The following TGFB2 variants were observed in gnomAD, a reference collection of about 807,000 sequenced individuals.
TGFB2 encodes the protein transforming growth factor beta-2 proprotein.
Under a neutral mutation model 42.7 loss-of-function variants are expected in TGFB2, and 13 were observed. The ratio of observed to expected loss-of-function variants is 0.30; its 90% CI spans 0.20 to 0.48. TGFB2 has a LOEUF of 0.48. Among genes scored for constraint, TGFB2 ranks in the 20% least tolerant of loss-of-function variants. TGFB2 has a pLI of 0.99. For synonymous variants in TGFB2, 193 were observed against 193.6 expected (o/e 1.00, Z 0.03); for missense variants, 390 against 517.5 (o/e 0.75, Z 2.39).
intron 1 of TGFB2, among the ~76,000 whole-genome samples, chr1:218,389,604 C>A (rs1261097475): frequency 2.6e-5 from 4 of 152,192 alleles, no homozygotes; most frequent in African/African-American, 9.7e-5. Context: ...GATCAAAACC[C>A]CTCTGGCCAA....
intron 1 of TGFB2, among the ~76,000 whole-genome samples, chr1:218,350,122 G>A (rs1257915681): frequency 6.6e-6 from 1 of 152,222 alleles, no homozygotes; most frequent in African/African-American, 2.4e-5. Context: ...CTTAGAAAGG[G>A]TGATTCAGTT....
At chr1:218,364,386 T>C (rs1337017606) in intron 1 of TGFB2, among the ~76,000 whole-genome samples, 1 of 152,218 alleles carries the variant, frequency 6.6e-6, no homozygotes, top group Non-Finnish European at 1.5e-5. Context: ...CAGCCATTTA[T>C]TGAATGCTTA....
chr1:218,392,213 T>C (rs1483212704), intron 1 of TGFB2, among the ~76,000 whole-genome samples: 2 of 151,852 alleles, frequency 1.3e-5, no homozygotes, highest in African/African-American at 4.8e-5. Flanking sequence ...AATAGCCGGG[T>C]ATGGTGGCGG....
At chr1:218,356,126 G>A (rs1657024726) in intron 1 of TGFB2, among the ~76,000 whole-genome samples, 2 of 152,104 alleles carry the variant, frequency 1.3e-5, no homozygotes, top group African/African-American at 2.4e-5. Context: ...ACTCCTCCCA[G>A]CCAGAGTCTT....
intron 1 of TGFB2, among the ~76,000 whole-genome samples, chr1:218,357,640 A>G (rs1657082190): frequency 3.9e-5 from 6 of 152,210 alleles, no homozygotes; most frequent in Admixed American, 3.9e-4. Context: ...TGACTTGAGG[A>G]ACTTAAGGCA....
intron 2 of TGFB2, 31 bp downstream of exon 2, chr1:218,405,363 TG>T: frequency 6.2e-7 from 1 of 1,611,968 alleles, no homozygotes; most frequent in African/African-American, 1.3e-5. Context: ...TTGTTGTTGT[TG>T]TTGTTGTTGT....
At chr1:218,350,037 ACCTCT>A (rs781749685) in intron 1 of TGFB2, among the ~76,000 whole-genome samples, 274 of 152,344 alleles carry the variant, frequency 1.8e-3, no homozygotes, top group Middle Eastern at 0.014. Context: ...GAATTAGTGG[ACCTCT>A]AGTAGTTTAA....
rs562623182 is a variant in TGFB2, at chr1:218,394,032, G to A, written c.347-11137G>A. Among the ~76,000 whole-genome samples, 72 of 151,460 alleles carry A rather than the reference G, an allele frequency of 4.8e-4. No individual in the cohort carries two copies. In the South Asian group the frequency reaches 4.9e-3, roughly 10 times the overall value. On this transcript the variant is annotated intron_variant, in intron 1 of 6. Transcript: ENST00000366930. ...CGCCATTCTCCTGCCTCAGCCTCCCGAGTAGCTGGGATTACAGGTGCCCAC... is the reference window on the plus strand; with the variant it reads ...CGCCATTCTCCTGCCTCAGCCTCCCAAGTAGCTGGGATTACAGGTGCCCAC...
chr1:218,360,995 C>T (rs1327184036), intron 1 of TGFB2, among the ~76,000 whole-genome samples: 5 of 152,204 alleles, frequency 3.3e-5, no homozygotes, highest in South Asian at 2.1e-4. Flanking sequence ...ACTGGGACTA[C>T]AGGCACGTGG....
chr1:218,349,639 A>T (rs185593161), intron 1 of TGFB2, among the ~76,000 whole-genome samples: 127 of 152,340 alleles, frequency 8.3e-4, no homozygotes, highest in African/African-American at 2.8e-3. Context: ...AATTATACTC[A>T]ATGAGCTATA....
intron 2 of TGFB2, among the ~76,000 whole-genome samples, chr1:218,431,121 G>A (rs755022337): frequency 2.9e-4 from 44 of 152,314 alleles, no homozygotes; most frequent in Admixed American, 2.7e-3. Context: ...GAATTATGTA[G>A]CTAACTAACT....
At chr1:218,422,834 A>T (rs1328326153) in intron 2 of TGFB2, among the ~76,000 whole-genome samples, 1 of 152,214 alleles carries the variant, frequency 6.6e-6, no homozygotes, top group Non-Finnish European at 1.5e-5. Flanking sequence ...CCAGTGCTTA[A>T]TATTTGTTGA....
intron 1 of TGFB2, among the ~76,000 whole-genome samples, chr1:218,401,445 C>T (rs1318432635): frequency 6.6e-6 from 1 of 152,014 alleles, no homozygotes. Context: ...CAAAATTTTC[C>T]CCGGGAGGAA....
At chr1:218,420,377 T>C (rs1007868739) in intron 2 of TGFB2, among the ~76,000 whole-genome samples, 1 of 152,200 alleles carries the variant, frequency 6.6e-6, no homozygotes, top group African/African-American at 2.4e-5. Context: ...GTTGAATCCT[T>C]TTCTCTTTTG....
At chr1:218,379,672 A>G (rs554756346) in intron 1 of TGFB2, among the ~76,000 whole-genome samples, 5 of 152,258 alleles carry the variant, frequency 3.3e-5, no homozygotes, top group African/African-American at 1.2e-4. Flanking sequence ...AGTTGAAAAC[A>G]GTGTCCTTTT....
rs759635592 is a variant in TGFB2 at position 218,397,563 on chromosome 1, C to CAAA, written c.347-7589_347-7587dup. Among the ~76,000 whole-genome samples, 362 of 91,332 alleles carry CAAA rather than the reference C, an allele frequency of 4.0e-3. 8 individuals carry two copies. The highest frequency in any genetic ancestry group is 0.012 in the African/African-American group (319 of 26,824). 59.9% of individuals were successfully genotyped at this position (91,332 alleles called of 152,430 possible). A position where few individuals can be genotyped will look rare whatever the true frequency, so the allele number is the denominator to read the frequency against. Reference sequence around the variant, plus strand: ...TGTGCAACAGAGCGAGACTCCGTCTCAAAAAAAAAAAAAAAAAAAGTTTAG... The same window carrying CAAA: ...TGTGCAACAGAGCGAGACTCCGTCTCAAAAAAAAAAAAAAAAAAAAAAGTTTAG... On this transcript the variant is annotated intron_variant, in intron 1 of 6. Coordinates refer to ENST00000366930, the MANE Select transcript of TGFB2 (RefSeq NM_003238.6).
At chr1:218,424,584 G>A (rs1223438373) in intron 2 of TGFB2, among the ~76,000 whole-genome samples, 2 of 152,174 alleles carry the variant, frequency 1.3e-5, no homozygotes, top group East Asian at 3.9e-4. Flanking sequence ...GAGCACTCCA[G>A]ATGTTTCTGA....
At chr1:218,378,374 G>A (rs552338141) in intron 1 of TGFB2, among the ~76,000 whole-genome samples, 1 of 151,994 alleles carries the variant, frequency 6.6e-6, no homozygotes, top group Admixed American at 6.6e-5. Context: ...ACGGGGTTTC[G>A]CCATGTTGGC....
At chr1:218,405,944 C>T (rs1558248855) in intron 2 of TGFB2, among the ~76,000 whole-genome samples, 3 of 152,108 alleles carry the variant, frequency 2.0e-5, no homozygotes, top group Middle Eastern at 3.4e-3. Context: ...GAAGTCAACC[C>T]GTTAAACTAT....
Sources: gnomAD v4.1 joint callset for allele counts (sites outside exome capture counted in the v4.1 genomes callset) on GRCh38, gnomAD v4.1.1 for gene constraint, MANE v1.5 for transcripts, NCBI Gene and HGNC (gene_info 2026-07-23, HGNC 2026-07-21) for gene names.